The following ARHGAP21 variants were observed in gnomAD, a reference collection of about 807,000 sequenced individuals.
The protein encoded by ARHGAP21 is rho GTPase-activating protein 21.
Under a neutral mutation model 164.6 loss-of-function variants are expected in ARHGAP21, and 38 were observed. The observed-to-expected ratio is 0.23, with a 90% confidence interval of 0.18 to 0.30. ARHGAP21 has a LOEUF of 0.30. ARHGAP21 is among the 10% of genes least tolerant of loss of function. The probability of loss-of-function intolerance (pLI) is 1.00; values close to 1 mark genes in which losing one functional copy is unlikely to be tolerated. For synonymous variants in ARHGAP21, 766 were observed against 857.9 expected (o/e 0.89, Z 1.87); for missense variants, 1,822 against 2,370.7 (o/e 0.77, Z 4.81).
chr10:24,645,308 T>C (rs1187190029), intron 4 of ARHGAP21, among the ~76,000 whole-genome samples: 1 of 152,156 alleles, frequency 6.6e-6, no homozygotes, highest in Non-Finnish European at 1.5e-5. Flanking sequence ...CAGCCAGTTG[T>C]GGTGGCTCAT....
At chr10:24,663,306 A>G (rs1448703132) in intron 4 of ARHGAP21, among the ~76,000 whole-genome samples, 2 of 152,168 alleles carry the variant, frequency 1.3e-5, no homozygotes, top group African/African-American at 4.8e-5. Context: ...TATAGCAGTA[A>G]CTCAATTCAG....
intron 2 of ARHGAP21, among the ~76,000 whole-genome samples, chr10:24,683,115 A>T (rs930653188): frequency 4.0e-5 from 6 of 151,224 alleles, no homozygotes; most frequent in African/African-American, 1.5e-4. Flanking sequence ...AAAAAAAAAA[A>T]GATGATGACT....
At chr10:24,676,402 GACCCAGA>G (rs1384391157) in intron 2 of ARHGAP21, among the ~76,000 whole-genome samples, 6 of 152,094 alleles carry the variant, frequency 3.9e-5, no homozygotes, top group Admixed American at 3.9e-4. Context: ...CTTTTTATCT[GACCCAGA>G]ATTTTAATTT....
At chr10:24,716,552 G>A (rs995767876) in intron 2 of ARHGAP21, among the ~76,000 whole-genome samples, 5 of 152,258 alleles carry the variant, frequency 3.3e-5, no homozygotes, top group African/African-American at 1.2e-4. Flanking sequence ...AAGAGGCACA[G>A]GAGGTGCGCT....
intron 21 of ARHGAP21, 82 bp from the exon 22 acceptor site, chr10:24,592,094 G>T: frequency 1.7e-6 from 2 of 1,206,338 alleles, no homozygotes; most frequent in Non-Finnish European, 2.2e-6. Flanking sequence ...GATTTTTGAT[G>T]AAAAAGAATA....
At chr10:24,610,827 T>G (rs908503367) in intron 9 of ARHGAP21, among the ~76,000 whole-genome samples, 13 of 151,956 alleles carry the variant, frequency 8.6e-5, no homozygotes, top group Admixed American at 8.5e-4. Flanking sequence ...TTCTTATAAG[T>G]AAGGACCACT....
intron 2 of ARHGAP21, among the ~76,000 whole-genome samples, chr10:24,708,003 T>C (rs1844401727): frequency 6.6e-6 from 1 of 152,254 alleles, no homozygotes; most frequent in Non-Finnish European, 1.5e-5. Context: ...AGTATGTTCC[T>C]ACTTGTTTTA....
chr10:24,712,931 T>C (rs1235197397), intron 2 of ARHGAP21, among the ~76,000 whole-genome samples: 2 of 151,988 alleles, frequency 1.3e-5, no homozygotes, highest in Non-Finnish European at 2.9e-5. Flanking sequence ...ATATACAATC[T>C]GTATTTACTA....
At chr10:24,697,398 A>G (rs1433809804) in intron 2 of ARHGAP21, among the ~76,000 whole-genome samples, 4 of 152,184 alleles carry the variant, frequency 2.6e-5, no homozygotes, top group Non-Finnish European at 5.9e-5. Flanking sequence ...CTTTTGGTCT[A>G]GTATGTTCCC....
chr10:24,688,217 C>G (rs1253093645), intron 2 of ARHGAP21, among the ~76,000 whole-genome samples: 1 of 152,126 alleles, frequency 6.6e-6, no homozygotes, highest in African/African-American at 2.4e-5. Flanking sequence ...ATGGCGAAAC[C>G]CCATCTCTAC....
At chr10:24,636,805 T>C in intron 4 of ARHGAP21, among the ~76,000 whole-genome samples, 1 of 152,222 alleles carries the variant, frequency 6.6e-6, no homozygotes, top group Non-Finnish European at 1.5e-5. Context: ...TCCAAAACAC[T>C]TCCTTTGCCA....
At chr10:24,679,069 AC>A (rs1210734020) in intron 2 of ARHGAP21, among the ~76,000 whole-genome samples, 2 of 152,244 alleles carry the variant, frequency 1.3e-5, no homozygotes, top group African/African-American at 2.4e-5. Context: ...TATGCTATGA[AC>A]ATTCACGTAC....
At chr10:24,635,751 T>C (rs1338719454) in intron 4 of ARHGAP21, among the ~76,000 whole-genome samples, 2 of 152,184 alleles carry the variant, frequency 1.3e-5, no homozygotes, top group Non-Finnish European at 2.9e-5. Flanking sequence ...TTCACCATAT[T>C]GGCCAGGCTG....
intron 4 of ARHGAP21, among the ~76,000 whole-genome samples, chr10:24,654,659 A>G (rs184022794): frequency 6.6e-6 from 1 of 152,360 alleles, no homozygotes. Context: ...GCTCTTGGAT[A>G]GGAAGAATCA....
At chr10:24,713,902 T>C (rs1442332704) in intron 2 of ARHGAP21, among the ~76,000 whole-genome samples, 5 of 152,330 alleles carry the variant, frequency 3.3e-5, no homozygotes, top group Non-Finnish European at 5.9e-5. Flanking sequence ...TATAAGAACA[T>C]GGCAACTTAA....
At chr10:24,706,386 TAA>T (rs950071731) in intron 2 of ARHGAP21, 2 of 152,298 alleles carry the variant, frequency 1.3e-5, no homozygotes, top group Non-Finnish European at 2.9e-5. Context: ...AAAAAAATTC[TAA>T]AAGATTACTT....
chr10:24,673,408 T>C (rs1840897217), intron 2 of ARHGAP21, among the ~76,000 whole-genome samples: 1 of 152,176 alleles, frequency 6.6e-6, no homozygotes, highest in Non-Finnish European at 1.5e-5. Context: ...TCCTAGGTAT[T>C]TATCCAAAAG....
At chr10:24,656,961 C>T (rs1839073787) in intron 4 of ARHGAP21, among the ~76,000 whole-genome samples, 1 of 128,158 alleles carries the variant, frequency 7.8e-6, no homozygotes. Context: ...AGCCCCCCTG[C>T]CCGGCCAGCC....
At chr10:24,638,086 C>T (rs758884024) in intron 4 of ARHGAP21, among the ~76,000 whole-genome samples, 29 of 151,948 alleles carry the variant, frequency 1.9e-4, no homozygotes, top group Non-Finnish European at 3.2e-4. Flanking sequence ...AGGCCGGTCT[C>T]GAACTCCTGA....
Sources: allele counts gnomAD v4.1 joint callset (sites outside exome capture counted in the v4.1 genomes callset), GRCh38; gene constraint gnomAD v4.1.1; transcripts MANE v1.5; gene names NCBI Gene and HGNC (gene_info 2026-07-23, HGNC 2026-07-21).